TBCCD1: variants seen among roughly 807,000 people sequenced by gnomAD.
TBCCD1 encodes TBCC domain containing 1, also known as TBCC domain-containing protein 1.
A neutral mutation model predicts 53.4 loss-of-function variants in TBCCD1; 26 were observed. The observed-to-expected ratio is 0.49, with a 90% CI of 0.36 to 0.68. The LOEUF (loss-of-function observed/expected upper bound fraction) is 0.68, where lower values mean the gene tolerates loss of function less well. Among genes scored for constraint, TBCCD1 ranks in the 30% least tolerant of loss-of-function variants. The pLI, the probability that TBCCD1 is intolerant of heterozygous loss-of-function variation, is 0.00. For missense variants in TBCCD1, 558 were observed against 669.5 expected (o/e 0.83, Z 1.84); for synonymous variants, 245 against 241.7 (o/e 1.01, Z -0.13).
upstream of TBCCD1, chr3:186,570,192 G>T (rs1714974998): frequency 7.3e-6 from 5 of 689,164 alleles, no homozygotes; most frequent in Admixed American, 2.1e-5. Flanking sequence ...TTATGGAGTT[G>T]CTTGGAGAAC....
chr3:186,549,395 G>C (rs894612795), intron 7 of TBCCD1, among the ~76,000 whole-genome samples: 5 of 152,172 alleles, frequency 3.3e-5, no homozygotes, highest in African/African-American at 1.2e-4. Flanking sequence ...AATCAGGGCA[G>C]GTGCAGTAGC....
chr3:186,558,012 G>A (rs370973226), intron 3 of TBCCD1, among the ~76,000 whole-genome samples: 1 of 152,126 alleles, frequency 6.6e-6, no homozygotes, highest in Non-Finnish European at 1.5e-5. Flanking sequence ...GGGTTGTCAC[G>A]TATGTAATTA....
intron 2 of TBCCD1, among the ~76,000 whole-genome samples, chr3:186,559,704 T>A (rs1714641178): frequency 6.6e-6 from 1 of 152,242 alleles, no homozygotes; most frequent in South Asian, 2.1e-4. Context: ...TTGTATATTT[T>A]ATAAATTTTT....
chr3:186,564,090 A>G lies in TBCCD1; in HGVS notation c.240T>C (p.Asp80=). 1 of 1,614,188 alleles carries G rather than the reference A, an allele frequency of 6.2e-7. No homozygotes were observed. The highest frequency in any genetic ancestry group is 8.5e-7 in the Non-Finnish European group (1 of 1,180,028). ...DLAWLYFEIF[D]SLSMKTPEER... ...CCTCAGGTGTCTTCATTGAAAGACT[A>G]TCAAATATTTCGAAGTAAAGCCACG... is the stretch of plus-strand genomic sequence containing the variant. The change falls in exon 2 of 8, where the codon GAT becomes GAC. Residue 80 remains aspartate, a synonymous_variant. Coordinates refer to ENST00000338733, the MANE Select transcript of TBCCD1 (RefSeq NM_018138.5).
upstream of TBCCD1, chr3:186,570,174 C>T: frequency 1.4e-6 from 1 of 700,276 alleles, no homozygotes; most frequent in South Asian, 1.5e-5. Context: ...CTTTCCGAGA[C>T]AGTTGTCTTA....
intron 2 of TBCCD1, among the ~76,000 whole-genome samples, chr3:186,560,384 C>T (rs1159010468): frequency 1.3e-5 from 2 of 152,178 alleles, no homozygotes; most frequent in African/African-American, 4.8e-5. Context: ...AGATATGACC[C>T]TATAAGGCAG....
intron 7 of TBCCD1, 53 bp downstream of exon 7, chr3:186,551,076 A>T: frequency 1.3e-6 from 2 of 1,556,440 alleles, no homozygotes; most frequent in Admixed American, 4.1e-5. Context: ...CCTTTTTTTT[A>T]TGCTTGAAAG....
intron 1 of TBCCD1, among the ~76,000 whole-genome samples, chr3:186,566,203 A>G (rs1297589475): frequency 6.6e-6 from 1 of 152,052 alleles, no homozygotes; most frequent in Non-Finnish European, 1.5e-5. Context: ...ACGCCAGGCT[A>G]ATTTTTGTAT....
chr3:186,562,036 T>C (rs1046832299), intron 2 of TBCCD1, among the ~76,000 whole-genome samples: 1 of 152,178 alleles, frequency 6.6e-6, no homozygotes, highest in Non-Finnish European at 1.5e-5. Context: ...GAGTACCATT[T>C]GGCCTTAAAA....
At chr3:186,553,935 C>T (rs1714448405) in intron 6 of TBCCD1, among the ~76,000 whole-genome samples, 1 of 152,158 alleles carries the variant, frequency 6.6e-6, no homozygotes, top group African/African-American at 2.4e-5. Flanking sequence ...GCAACCTCCG[C>T]CTCCTGGGTT....
intron 6 of TBCCD1, among the ~76,000 whole-genome samples, chr3:186,552,566 T>C (rs776593488): frequency 3.9e-5 from 6 of 152,178 alleles, no homozygotes; most frequent in African/African-American, 1.2e-4. Context: ...TTTACAATTA[T>C]AGTTTTAGCT....
At chr3:186,550,117 C>T (rs543237674) in intron 7 of TBCCD1, among the ~76,000 whole-genome samples, 2 of 148,806 alleles carry the variant, frequency 1.3e-5, no homozygotes, top group Admixed American at 1.3e-4. Context: ...ATCTCAGCTA[C>T]TTGGTAGGCT....
chr3:186,560,639 C>T (rs1714666503), intron 2 of TBCCD1, among the ~76,000 whole-genome samples: 1 of 152,190 alleles, frequency 6.6e-6, no homozygotes, highest in African/African-American at 2.4e-5. Context: ...TGCTCACTTT[C>T]AAATTCTCTA....
At chr3:186,552,456 GTA>G (rs946853140) in intron 6 of TBCCD1, among the ~76,000 whole-genome samples, 6 of 152,146 alleles carry the variant, frequency 3.9e-5, no homozygotes, top group African/African-American at 1.2e-4. Flanking sequence ...CTCCGTAATC[GTA>G]TCTCAGTTCA....
chr3:186,555,107 A>C (rs1450911603), intron 4 of TBCCD1, 23 bp from the exon 5 acceptor site: 1 of 1,573,660 alleles, frequency 6.4e-7, no homozygotes, highest in African/African-American at 1.4e-5. Flanking sequence ...ACATATAAAT[A>C]GATGAGGCAG....
intron 6 of TBCCD1, among the ~76,000 whole-genome samples, chr3:186,552,394 A>G (rs1714407759): frequency 6.6e-6 from 1 of 152,182 alleles, no homozygotes; most frequent in Admixed American, 6.5e-5. Context: ...AACCACCACC[A>G]TTAGACAAAG....
chr3:186,558,413 G>A lies in TBCCD1; in HGVS notation c.492+4C>T, dbSNP rs1560227295. The A allele has an allele frequency of 1.2e-6, 2 of 1,613,190 alleles. No individual in the cohort carries two copies. Among genetic ancestry groups the A allele is most frequent in the Admixed American group, 3.3e-5 (2 of 59,924 alleles). On this transcript the variant is annotated splice_donor_region_variant and intron_variant, in intron 3 of 7. Transcript: ENST00000338733. The stretch of plus-strand genomic sequence containing the variant: ...AGAGAATGAGATCAAGATATAAGGA[G>A]TACCTTATTATGACAATTAGATTTT...
In TBCCD1 at chr3:186,551,232, T is replaced by G; in HGVS notation, c.1592A>C (p.Glu531Ala). 1 of 1,613,724 alleles carries G rather than the reference T, an allele frequency of 6.2e-7. No homozygotes were observed. The highest frequency in any genetic ancestry group is 8.5e-7 in the Non-Finnish European group (1 of 1,179,988). Residue 531 changes from glutamate to alanine, a missense_variant, in exon 7 of 8, where the codon GAA becomes GCA. Physicochemically the swap from Glu to Ala is moderately radical, Grantham distance 107 (BLOSUM62 -1). Transcript: ENST00000338733. ...FQVLVENKFY[E>A]WLINTGHRQQ... is the part of the protein sequence containing the mutation. ...GCGATGTCCTGTATTAATCAACCAT[T>G]CATAAAACTTGTTCTCTACCAGTAC... is the stretch of plus-strand genomic sequence containing the variant.
At chr3:186,568,905 G>GAAAAA (rs1315274828), upstream of TBCCD1, among the ~76,000 whole-genome samples, 77 of 135,030 alleles carry the variant, frequency 5.7e-4, 1 homozygote, top group African/African-American at 1.1e-3. Flanking sequence ...TCTGTCTCAG[G>GAAAAA]AAAAAAAAAG....
Sources: gnomAD v4.1 joint callset for allele counts (sites outside exome capture counted in the v4.1 genomes callset) on GRCh38, gnomAD v4.1.1 for gene constraint, MANE v1.5 for transcripts, NCBI Gene and HGNC (gene_info 2026-07-23, HGNC 2026-07-21) for gene names.